Variants in AGBL1 observed in about 807,000 individuals in gnomAD.
AGBL1 encodes AGBL carboxypeptidase 1.
AGBL1 carries 130 observed loss-of-function variants against 118.9 expected under a neutral mutation model. The ratio of observed to expected loss-of-function variants is 1.09; its 90% CI spans 0.95 to 1.26. AGBL1 has a LOEUF of 1.26. Among genes scored for constraint, AGBL1 ranks in the 50% most tolerant of loss-of-function variants. The pLI, the probability that AGBL1 is intolerant of heterozygous loss-of-function variation, is 0.00. For missense variants in AGBL1, 1,584 were observed against 1,298.1 expected (o/e 1.22, Z -3.38); for synonymous variants, 555 against 478.9 (o/e 1.16, Z -2.08).
intron 24 of AGBL1, among the ~76,000 whole-genome samples, chr15:87,009,939 G>A (rs1341902551): frequency 6.6e-6 from 1 of 152,178 alleles, no homozygotes. Flanking sequence ...GATTTTACAT[G>A]CTCATATGCA....
intron 7 of AGBL1, among the ~76,000 whole-genome samples, chr15:86,252,928 C>T (rs1365557463): frequency 6.6e-6 from 1 of 152,160 alleles, no homozygotes; most frequent in Non-Finnish European, 1.5e-5. Context: ...CAAAGAATCA[C>T]CGCAAAGAGA....
intron 22 of AGBL1, among the ~76,000 whole-genome samples, chr15:86,683,023 C>T (rs753797954): frequency 6.6e-6 from 1 of 152,110 alleles, no homozygotes; most frequent in Non-Finnish European, 1.5e-5. Context: ...CTCCATGGCT[C>T]AAGTTCTTAT....
intron 23 of AGBL1, among the ~76,000 whole-genome samples, chr15:86,966,498 C>T (rs1229986694): frequency 1.3e-5 from 2 of 152,020 alleles, no homozygotes; most frequent in Non-Finnish European, 2.9e-5. Flanking sequence ...ACCACAGGCC[C>T]TAGTGTGTGA....
At chr15:86,310,301 T>C (rs2079900594) in intron 17 of AGBL1, among the ~76,000 whole-genome samples, 2 of 152,232 alleles carry the variant, frequency 1.3e-5, no homozygotes, top group African/African-American at 2.4e-5. Flanking sequence ...TATTTAAACC[T>C]CCTCTCTTTT....
rs753406382 is a variant in AGBL1, at chr15:86,257,063, T to C, written c.901+45T>C. On this transcript the variant is annotated intron_variant, in intron 8 of 22. Coordinates refer to ENST00000614907, the MANE Select transcript of AGBL1 (RefSeq NM_001386094.1). The stretch of plus-strand genomic sequence containing the variant: ...ATGACCTTTAAGATGAGTTTTTGCA[T>C]TTTGACCATGTTTCCCAGGAACATG... 3.2e-6 allele frequency: 5 copies of C among 1,570,470 alleles called. No homozygotes were observed. In the South Asian group the frequency reaches 5.8e-5, roughly 18 times the overall value.
At chr15:86,740,658 G>C (rs529399299) in intron 22 of AGBL1, among the ~76,000 whole-genome samples, 1 of 152,124 alleles carries the variant, frequency 6.6e-6, no homozygotes, top group African/African-American at 2.4e-5. Context: ...GATTACATCC[G>C]TTCAGAAATG....
intron 21 of AGBL1, among the ~76,000 whole-genome samples, chr15:86,648,006 A>G (rs1189857890): frequency 6.6e-6 from 1 of 152,196 alleles, no homozygotes; most frequent in Non-Finnish European, 1.5e-5. Context: ...GTGACTGATC[A>G]TAATAAGGAA....
intron 22 of AGBL1, among the ~76,000 whole-genome samples, chr15:86,787,819 A>C (rs1377795522): frequency 3.3e-5 from 5 of 152,198 alleles, no homozygotes; most frequent in Admixed American, 6.6e-5. Context: ...GTGGTCACTT[A>C]GGTTTCTTCT....
chr15:86,505,744 A>G (rs2082968968), intron 18 of AGBL1, among the ~76,000 whole-genome samples: 1 of 151,896 alleles, frequency 6.6e-6, no homozygotes, highest in Non-Finnish European at 1.5e-5. Flanking sequence ...AGCTTATTTA[A>G]GTCTTAGACA....
chr15:87,023,420 C>G (rs1023878244), intron 24 of AGBL1, among the ~76,000 whole-genome samples: 3 of 152,038 alleles, frequency 2.0e-5, no homozygotes, highest in African/African-American at 4.8e-5. Flanking sequence ...CCTTGTCCAA[C>G]AGGAAAATAT....
In AGBL1 at chr15:86,827,326, T is replaced by C. The variant is rs1181979199; in HGVS notation, c.3159-79761T>C. ...ATGTATATATATATATACACACACA[T>C]ATATATATATATGTGTATATATATA... On this transcript the variant is annotated intron_variant, in intron 22 of 22. Coordinates refer to ENST00000614907, the MANE Select transcript of AGBL1 (RefSeq NM_001386094.1). 7.3e-4 allele frequency among the ~76,000 whole-genome samples: 8 copies of C among 10,902 alleles called. 2 individuals carry two copies. The highest frequency in any genetic ancestry group is 1.0e-3 in the Non-Finnish European group (8 of 8,030). The allele number at this position is 10,902 out of a possible 152,430, so 7.2% of individuals were successfully genotyped here. A position where few individuals can be genotyped will look rare whatever the true frequency, so the allele number is the denominator to read the frequency against.
chr15:86,228,959 C>T (rs1013602483), intron 6 of AGBL1, among the ~76,000 whole-genome samples: 1 of 152,122 alleles, frequency 6.6e-6, no homozygotes, highest in Non-Finnish European at 1.5e-5. Context: ...TAATCCAAAT[C>T]CCGTGCCTTT....
chr15:86,588,873 T>C (rs2084293036), intron 21 of AGBL1, among the ~76,000 whole-genome samples: 1 of 152,208 alleles, frequency 6.6e-6, no homozygotes, highest in Non-Finnish European at 1.5e-5. Flanking sequence ...TATTATTTCT[T>C]TGATGGCAAA....
At chr15:86,855,601 A>G (rs955387860) in intron 22 of AGBL1, among the ~76,000 whole-genome samples, 3 of 152,236 alleles carry the variant, frequency 2.0e-5, no homozygotes, top group Non-Finnish European at 4.4e-5. Flanking sequence ...GCACAGGGAA[A>G]GGCAATGGTG....
intron 24 of AGBL1, chr15:87,028,745 A>G (rs1596758385): frequency 7.2e-7 from 1 of 1,387,210 alleles, no homozygotes; most frequent in East Asian, 2.3e-5. Context: ...CTAAAAGGTC[A>G]ATTTGCCAAA....
intron 18 of AGBL1, among the ~76,000 whole-genome samples, chr15:86,444,125 T>A (rs1305411476): frequency 1.3e-5 from 2 of 152,226 alleles, no homozygotes; most frequent in African/African-American, 4.8e-5. Context: ...TGATATCTTT[T>A]GTCTTTTTGA....
In AGBL1 at chr15:86,238,575, A is replaced by G. The variant is rs527293903; in HGVS notation, c.527-9096A>G. On this transcript the variant is annotated intron_variant, in intron 6 of 22. Transcript: ENST00000614907. ...ATATTTTCTCAAATCTAAGTCTATC[A>G]TCAACTGTGAGGTGTATGCCATTTT... Among the ~76,000 whole-genome samples, 220 of 152,338 alleles carry G rather than the reference A, an allele frequency of 1.4e-3. 4 individuals carry two copies. In the South Asian group the frequency reaches 0.044, roughly 30 times the overall value.
intron 24 of AGBL1, among the ~76,000 whole-genome samples, chr15:86,991,976 A>G (rs2081340240): frequency 6.6e-6 from 1 of 152,146 alleles, no homozygotes; most frequent in Admixed American, 6.5e-5. Flanking sequence ...GTGCTGCTGT[A>G]AAGGAATACC....
chr15:86,832,063 A>C (rs2079112107), intron 22 of AGBL1, among the ~76,000 whole-genome samples: 1 of 152,202 alleles, frequency 6.6e-6, no homozygotes, highest in Admixed American at 6.5e-5. Flanking sequence ...CCTGAGCTCT[A>C]TGTCGGCCCC....
Sources: allele counts gnomAD v4.1 joint callset (sites outside exome capture counted in the v4.1 genomes callset), GRCh38; gene constraint gnomAD v4.1.1; transcripts MANE v1.5; gene names NCBI Gene and HGNC (gene_info 2026-07-23, HGNC 2026-07-21).